The following GRAP2 variants were observed in gnomAD, a reference collection of about 807,000 sequenced individuals.
GRAP2 encodes GRB2 related adaptor protein 2.
A neutral mutation model predicts 43.5 loss-of-function variants in GRAP2; 31 were observed. That is an observed-to-expected ratio of 0.71 (90% CI 0.54 to 0.96). GRAP2 has a LOEUF of 0.96. GRAP2 is among the 40% of genes least tolerant of loss of function. GRAP2 has a pLI of 0.00. For synonymous variants in GRAP2, 156 were observed against 164.8 expected (o/e 0.95, Z 0.41); for missense variants, 371 against 424.4 (o/e 0.87, Z 1.11).
chr22:39,935,536 C>A (rs1415011460), intron 1 of GRAP2, among the ~76,000 whole-genome samples: 2 of 152,148 alleles, frequency 1.3e-5, no homozygotes, highest in African/African-American at 4.8e-5. Flanking sequence ...TATTATAATT[C>A]ATTTGATGAA....
At chr22:39,925,828 T>A (rs1049117916) in intron 1 of GRAP2, among the ~76,000 whole-genome samples, 4 of 152,220 alleles carry the variant, frequency 2.6e-5, no homozygotes, top group African/African-American at 9.6e-5. Flanking sequence ...GCCTTGCTTC[T>A]TTTCCACAAC....
intron 1 of GRAP2, among the ~76,000 whole-genome samples, chr22:39,929,227 G>A (rs2066733288): frequency 6.6e-6 from 1 of 152,138 alleles, no homozygotes; most frequent in Non-Finnish European, 1.5e-5. Flanking sequence ...AGAGTACAGG[G>A]GACCTCTGTA....
intron 4 of GRAP2, among the ~76,000 whole-genome samples, chr22:39,962,379 C>T (rs1044878050): frequency 5.9e-5 from 9 of 151,988 alleles, no homozygotes; most frequent in African/African-American, 1.2e-4. Context: ...CAAGATCGAT[C>T]GCACCACTGC....
chr22:39,914,389 A>C (rs1175357874), intron 1 of GRAP2, among the ~76,000 whole-genome samples: 1 of 152,188 alleles, frequency 6.6e-6, no homozygotes, highest in East Asian at 1.9e-4. Context: ...GTACACCATC[A>C]AATGGGATAG....
At chr22:39,940,585 A>G (rs1388788612) in intron 1 of GRAP2, among the ~76,000 whole-genome samples, 1 of 152,096 alleles carries the variant, frequency 6.6e-6, no homozygotes, top group African/African-American at 2.4e-5. Context: ...GTAATAAACT[A>G]AGGCAGAAAG....
chr22:39,929,633 A>G (rs962091420), intron 1 of GRAP2, among the ~76,000 whole-genome samples: 2 of 152,180 alleles, frequency 1.3e-5, no homozygotes, highest in African/African-American at 2.4e-5. Context: ...AAGGTGTCCC[A>G]TCCCTCCCTG....
chr22:39,910,373 C>A (rs1001244092), intron 1 of GRAP2, among the ~76,000 whole-genome samples: 9 of 152,132 alleles, frequency 5.9e-5, no homozygotes, highest in Non-Finnish European at 5.9e-5. Flanking sequence ...TTCCCATGCA[C>A]TACTACTAAG....
Position 39,965,979 on chromosome 22 carries a change from T to TATGTTACA in GRAP2, c.291-11_291-10insATGTTACA. On this transcript the variant is annotated splice_polypyrimidine_tract_variant and intron_variant, in intron 4 of 7. Coordinates refer to ENST00000344138, the MANE Select transcript of GRAP2 (RefSeq NM_004810.4). ...GTGTAACATACAATTTTGTTTTGCC[T>TATGTTACA]TGATCTCCAGGCATGAGGATGACGT... is the stretch of plus-strand genomic sequence containing the variant. The TATGTTACA allele has an allele frequency of 6.2e-7, 1 of 1,613,034 alleles. No homozygotes were observed. The highest frequency in any genetic ancestry group is 1.1e-5 in the South Asian group (1 of 91,064).
At chr22:39,917,772 A>G (rs2066614702) in intron 1 of GRAP2, among the ~76,000 whole-genome samples, 1 of 152,236 alleles carries the variant, frequency 6.6e-6, no homozygotes, top group African/African-American at 2.4e-5. Flanking sequence ...AAATATCTCT[A>G]AGAAAAATTA....
intron 1 of GRAP2, among the ~76,000 whole-genome samples, chr22:39,905,564 C>T (rs927657218): frequency 3.3e-5 from 5 of 152,072 alleles, no homozygotes; most frequent in Middle Eastern, 3.4e-3. Flanking sequence ...GAAGAGTAAA[C>T]GATTTATACA....
intron 2 of GRAP2, among the ~76,000 whole-genome samples, chr22:39,954,108 C>T (rs962429206): frequency 6.6e-6 from 1 of 152,234 alleles, no homozygotes; most frequent in Non-Finnish European, 1.5e-5. Flanking sequence ...TAACTCCTTT[C>T]GTTGCCAAGG....
At chr22:39,963,372 T>G (rs1338981836) in intron 4 of GRAP2, among the ~76,000 whole-genome samples, 2 of 152,144 alleles carry the variant, frequency 1.3e-5, no homozygotes, top group African/African-American at 4.8e-5. Flanking sequence ...TCCTTACAGC[T>G]TATGAGAGTA....
At chr22:39,944,305 A>G (rs1425071289) in intron 1 of GRAP2, among the ~76,000 whole-genome samples, 1 of 152,192 alleles carries the variant, frequency 6.6e-6, no homozygotes, top group Non-Finnish European at 1.5e-5. Context: ...ATACATTTCC[A>G]TGCATTTTTA....
intron 1 of GRAP2, among the ~76,000 whole-genome samples, chr22:39,919,358 T>C (rs1049537657): frequency 1.3e-5 from 2 of 152,166 alleles, no homozygotes; most frequent in Non-Finnish European, 2.9e-5. Context: ...TTGACTCCTG[T>C]TTTTTGTATG....
At chr22:39,899,718 C>G (rs1267390996), upstream of GRAP2, among the ~76,000 whole-genome samples, 1 of 152,138 alleles carries the variant, frequency 6.6e-6, no homozygotes, top group Non-Finnish European at 1.5e-5. Flanking sequence ...TGCGGTGGCT[C>G]ATGCCTGTAA....
intron 2 of GRAP2, chr22:39,947,490 T>A: frequency 2.8e-6 from 1 of 360,826 alleles, no homozygotes; most frequent in Non-Finnish European, 5.2e-6. Context: ...GAACAAGTGA[T>A]TCCATCTTGA....
chr22:39,934,523 C>T (rs1030645914), intron 1 of GRAP2, among the ~76,000 whole-genome samples: 3 of 152,078 alleles, frequency 2.0e-5, no homozygotes, highest in Admixed American at 6.5e-5. Context: ...AATCCATGCC[C>T]GAATGAATTG....
chr22:39,913,840 A>G (rs1231164954), intron 1 of GRAP2, among the ~76,000 whole-genome samples: 3 of 152,190 alleles, frequency 2.0e-5, no homozygotes, highest in Non-Finnish European at 4.4e-5. Flanking sequence ...CTTATAATCC[A>G]TCGAAGTCAC....
chr22:39,969,351 G>C, intron 6 of GRAP2, 60 bp from the exon 7 acceptor site: 1 of 1,601,802 alleles, frequency 6.2e-7, no homozygotes, highest in Non-Finnish European at 8.5e-7. Context: ...AAGGCACTGG[G>C]GGAACCGGTG....
Sources: allele counts gnomAD v4.1 joint callset (sites outside exome capture counted in the v4.1 genomes callset), GRCh38; gene constraint gnomAD v4.1.1; transcripts MANE v1.5; gene names NCBI Gene and HGNC (gene_info 2026-07-23, HGNC 2026-07-21).